FGD1: variants seen among roughly 807,000 people sequenced by gnomAD.
The protein encoded by FGD1 is FYVE, RhoGEF and PH domain-containing protein 1.
Under a neutral mutation model 65.0 loss-of-function variants are expected in FGD1, and 12 were observed. The ratio of observed to expected loss-of-function variants is 0.18; its 90% CI spans 0.12 to 0.30. The LOEUF is 0.30. FGD1 is among the 10% of genes least tolerant of loss of function. The pLI is 1.00. For synonymous variants in FGD1, 333 were observed against 343.9 expected (o/e 0.97, Z 0.35); for missense variants, 542 against 837.6 (o/e 0.65, Z 4.36).
At chrX:54,451,574 C>T (rs778226523) in intron 12 of FGD1, among the ~76,000 whole-genome samples, 9 of 107,877 alleles carry the variant, frequency 8.3e-5, no homozygotes, top group Non-Finnish European at 1.5e-4. Flanking sequence ...CGTGAGCTAC[C>T]GTGCCTGGCC....
intron 8 of FGD1, among the ~76,000 whole-genome samples, chrX:54,463,394 G>A (rs2147431519): frequency 9.0e-6 from 1 of 111,521 alleles, no homozygotes; most frequent in East Asian, 2.8e-4. Flanking sequence ...TCTCAGTGCT[G>A]CTTCTGAAAA....
chrX:54,467,696 A>G, intron 6 of FGD1, 88 bp downstream of exon 6: 4 of 989,546 alleles, frequency 4.0e-6, no homozygotes, highest in Non-Finnish European at 5.6e-6. Context: ...AAGAGCAAGC[A>G]GAAATGAAGT....
chrX:54,475,447 G>A (rs1007092232), intron 1 of FGD1, among the ~76,000 whole-genome samples: 1 of 112,216 alleles, frequency 8.9e-6, no homozygotes, highest in Non-Finnish European at 1.9e-5. Flanking sequence ...AAACTGCAGT[G>A]TAGCTAGTCA....
chrX:54,484,693 T>G (rs1923232811), intron 1 of FGD1, among the ~76,000 whole-genome samples: 1 of 112,496 alleles, frequency 8.9e-6, no homozygotes, highest in Non-Finnish European at 1.9e-5. Context: ...CAGACACCGT[T>G]TGGAGGTGTC....
In FGD1 at chrX:54,485,637, T is replaced by G. The variant is rs186656391; in HGVS notation, c.307+9489A>C. Among the ~76,000 whole-genome samples the G allele has an allele frequency of 5.4e-3, 595 of 110,999 alleles. 2 individuals are homozygous for G. The highest frequency in any genetic ancestry group is 9.1e-3 in the Middle Eastern group (2 of 219). On this transcript the variant is annotated intron_variant, in intron 1 of 17. Transcript: ENST00000375135. ...GCATACACCACCATGCCCTGCTAAT[T>G]TAAAAATATTTTTTGTAGAGACGGG...
At chrX:54,482,236 G>GCACACACACACA (rs759070309) in intron 1 of FGD1, among the ~76,000 whole-genome samples, 1,820 of 99,344 alleles carry the variant, frequency 0.018, 41 homozygotes, top group Admixed American at 0.081. Context: ...GCACACGCGC[G>GCACACACACACA]CACACACACA....
At chrX:54,479,577 G>A (rs1338292109) in intron 1 of FGD1, among the ~76,000 whole-genome samples, 1 of 110,213 alleles carries the variant, frequency 9.1e-6, no homozygotes, top group African/African-American at 3.3e-5. Flanking sequence ...CTAGCACGCA[G>A]GTCTCCTGAC....
At chrX:54,454,688 A>ACTTTAAT (rs1422721413) in intron 12 of FGD1, among the ~76,000 whole-genome samples, 3 of 109,079 alleles carry the variant, frequency 2.8e-5, no homozygotes, top group Non-Finnish European at 1.9e-5. Flanking sequence ...AAAATATGAT[A>ACTTTAAT]CTTTAATCTT....
Position 54,448,947 on chromosome X carries a change from G to A in FGD1, c.2295C>T (p.Ser765=), listed in dbSNP as rs1478234314. The A allele has an allele frequency of 4.1e-6, 5 of 1,208,724 alleles. No homozygotes were observed. The highest frequency in any genetic ancestry group is 3.5e-5 in the African/African-American group (2 of 57,493). ...CATAGACGAGGCGGGCCCGGAACTCGGAGCACTTCCCACAAACCACCTGGG... is the reference window on the plus strand; with the variant it reads ...CATAGACGAGGCGGGCCCGGAACTCAGAGCACTTCCCACAAACCACCTGGG... ...ACGHVVCGKC[S]EFRARLVYDN... The change falls in exon 16 of 18, where the codon TCC becomes TCT. Residue 765 remains serine (S), a synonymous_variant. Transcript: ENST00000375135.
At chrX:54,486,507 A>C (rs779405572) in intron 1 of FGD1, among the ~76,000 whole-genome samples, 34 of 111,270 alleles carry the variant, frequency 3.1e-4, no homozygotes, top group Non-Finnish European at 5.9e-4. Flanking sequence ...TGGCCTCCCA[A>C]AGTGCTGGGA....
rs887639639 is a variant in FGD1 at position 54,446,002 on chromosome X, A to G, written c.*107T>C. The G allele has an allele frequency of 8.8e-6, 5 of 570,363 alleles. No individual in the cohort carries two copies. The highest frequency in any genetic ancestry group is 1.4e-5 in the Non-Finnish European group (5 of 359,085). 47.0% of individuals were successfully genotyped at this position (570,363 alleles called of 1,213,427 possible). A position where few individuals can be genotyped will look rare whatever the true frequency, so the allele number is the denominator to read the frequency against. ...GCATTCGGGATTGAAAGTGCCCGTG[A>G]TGGGAGTTCAAGTATTGACTGAGCT... is the stretch of plus-strand genomic sequence containing the variant. On this transcript the variant is annotated 3_prime_UTR_variant, in exon 18 of 18. Coordinates refer to ENST00000375135, the MANE Select transcript of FGD1 (RefSeq NM_004463.3).
rs1922738137 is a variant in FGD1 at position 54,465,479 on chromosome X, A to G, written c.1608T>C (p.His536=). 15 of 1,210,469 alleles carry G rather than the reference A, an allele frequency of 1.2e-5. No individual in the cohort carries two copies. The East Asian group carries it at 3.3e-4, about 26-fold the overall frequency. ...GGGCATCCTTGCTGTCCGGGGAGCCATGGGGCAGCTTTAACAGATAGTCCT... is the reference window on the plus strand; with the variant it reads ...GGGCATCCTTGCTGTCCGGGGAGCCGTGGGGCAGCTTTAACAGATAGTCCT... ...LLKDYLLKLP[H]GSPDSKDAQK... Residue 536 remains histidine, a synonymous_variant, in exon 8 of 18, where the codon CAT becomes CAC. Transcript: ENST00000375135.
At chrX:54,450,445 G>C (rs1392646478) in intron 12 of FGD1, 144 bp from the exon 13 acceptor site, 4 of 549,443 alleles carry the variant, frequency 7.3e-6, no homozygotes, top group Non-Finnish European at 1.3e-5. Flanking sequence ...CCTTGGGCAA[G>C]TCACATAATC....
chrX:54,484,578 G>A (rs1469492249), intron 1 of FGD1, among the ~76,000 whole-genome samples: 2 of 112,183 alleles, frequency 1.8e-5, no homozygotes, highest in Non-Finnish European at 3.8e-5. Context: ...GACCCTGAGA[G>A]GGGAAGGGAG....
chrX:54,470,641 T>A lies in FGD1; in HGVS notation c.601A>T (p.Arg201Trp). 2 of 1,034,444 alleles carry A rather than the reference T, an allele frequency of 1.9e-6. No homozygotes were observed. The highest frequency in any genetic ancestry group is 2.5e-6 in the Non-Finnish European group (2 of 791,791). The allele number at this position is 1,034,444 out of a possible 1,213,427, so 85.2% of individuals were successfully genotyped here. Residue 201 changes from arginine (R) to tryptophan (W), a missense_variant, in exon 3 of 18, where the codon AGG becomes TGG. By Grantham distance (101) the Arg-to-Trp change is moderately radical. Around this residue, in one of 6 missense-constraint regions of FGD1, gnomAD observed 297 missense variants for 326.8 expected, o/e 0.91. Coordinates refer to ENST00000375135, the MANE Select transcript of FGD1 (RefSeq NM_004463.3). The part of the protein sequence containing the change: ...DPRVAKGLAP[R>W]AEASPSSAAV... Reference sequence around the variant, plus strand: ...GCAGAACTGGGGCTGGCCTCTGCCCTGGGAGCCAGGCCCTTGGCCACTCGG... The same window carrying A: ...GCAGAACTGGGGCTGGCCTCTGCCCAGGGAGCCAGGCCCTTGGCCACTCGG...
intron 8 of FGD1, among the ~76,000 whole-genome samples, chrX:54,460,509 G>A (rs1047628391): frequency 1.8e-5 from 2 of 112,305 alleles, no homozygotes; most frequent in African/African-American, 3.2e-5. Context: ...TTGGGAGGGC[G>A]AGGCGGGTGG....
intron 13 of FGD1, among the ~76,000 whole-genome samples, chrX:54,450,012 C>G (rs926658541): frequency 5.4e-5 from 6 of 111,192 alleles, no homozygotes; most frequent in African/African-American, 1.6e-4. Context: ...ACCTTCTGGG[C>G]TTAAGATTTT....
intron 12 of FGD1, among the ~76,000 whole-genome samples, chrX:54,451,308 G>A (rs1922372199): frequency 1.9e-5 from 2 of 106,337 alleles, no homozygotes; most frequent in African/African-American, 6.8e-5. Context: ...TTTTTGAGAC[G>A]GAGTCTTGCC....
At chrX:54,491,878 GAGAA>G (rs1923419804) in intron 1 of FGD1, among the ~76,000 whole-genome samples, 2 of 110,328 alleles carry the variant, frequency 1.8e-5, no homozygotes, top group African/African-American at 3.3e-5. Context: ...GGATCCAAAT[GAGAA>G]AGAGTCAGCC....
Sources: gnomAD v4.1 joint callset for allele counts (sites outside exome capture counted in the v4.1 genomes callset) on GRCh38, gnomAD v4.1.1 for gene constraint, gnomAD v4.1.1 regional missense constraint, MANE v1.5 for transcripts, NCBI Gene and HGNC (gene_info 2026-07-23, HGNC 2026-07-21) for gene names.